ATRN: variants seen among roughly 807,000 people sequenced by gnomAD.
The protein encoded by ATRN is attractin-2.
ATRN carries 54 observed loss-of-function variants against 178.7 expected under a neutral mutation model. The observed-to-expected ratio is 0.30, with a 90% CI of 0.24 to 0.38. The LOEUF is 0.38. Among genes scored for constraint, ATRN ranks in the 10% least tolerant of loss-of-function variants. The pLI, the probability that ATRN is intolerant of heterozygous loss-of-function variation, is 1.00. For synonymous variants in ATRN, 636 were observed against 663.0 expected (o/e 0.96, Z 0.63); for missense variants, 1,443 against 1,815.1 (o/e 0.79, Z 3.73).
At chr20:3,527,315 A>G (rs1486365393) in intron 1 of ATRN, among the ~76,000 whole-genome samples, 5 of 152,230 alleles carry the variant, frequency 3.3e-5, no homozygotes, top group Non-Finnish European at 7.3e-5. Flanking sequence ...GCCAAAAAAC[A>G]TGAAAAAAAG....
At chr20:3,515,427 A>C (rs1202909699) in intron 1 of ATRN, among the ~76,000 whole-genome samples, 7 of 152,184 alleles carry the variant, frequency 4.6e-5, no homozygotes, top group Admixed American at 4.6e-4. Flanking sequence ...TAGATTTACT[A>C]AAGTGAACTG....
chr20:3,576,061 T>C, intron 13 of ATRN, 113 bp downstream of exon 13: 1 of 1,243,118 alleles, frequency 8.0e-7, no homozygotes, highest in Non-Finnish European at 1.1e-6. Flanking sequence ...AATGGGTTTC[T>C]ATTTGGATTT....
rs73893057 is a variant in ATRN, at chr20:3,643,969, G to A, written c.4051-185G>A. 4.4e-3 allele frequency among the ~76,000 whole-genome samples: 676 copies of A among 152,312 alleles called. 7 individuals are homozygous for A. The highest frequency in any genetic ancestry group is 0.015 in the African/African-American group (606 of 41,562). ...TGGAAGGTAGCAAGCAGTACCACCC[G>A]TGTCACTGGTGCTCAGAGAGTACTG... On this transcript the variant is annotated intron_variant, in intron 27 of 28. Coordinates refer to ENST00000262919, the MANE Select transcript of ATRN (RefSeq NM_139321.3).
intron 1 of ATRN, among the ~76,000 whole-genome samples, chr20:3,502,769 G>A (rs539409716): frequency 6.6e-6 from 1 of 152,294 alleles, no homozygotes; most frequent in South Asian, 2.1e-4. Flanking sequence ...CTGTGGATGT[G>A]AGATTTTCCT....
intron 18 of ATRN, among the ~76,000 whole-genome samples, chr20:3,589,042 A>G (rs1029992687): frequency 7.4e-6 from 1 of 135,000 alleles, no homozygotes; most frequent in African/African-American, 2.8e-5. Context: ...GAGTGCAGTG[A>G]CGTGATCTCT....
At chr20:3,575,368 C>G (rs1600121664) in intron 12 of ATRN, among the ~76,000 whole-genome samples, 1 of 152,228 alleles carries the variant, frequency 6.6e-6, no homozygotes, top group African/African-American at 2.4e-5. Context: ...CAAAATGCAG[C>G]TCAGCCTAAT....
intron 24 of ATRN, among the ~76,000 whole-genome samples, chr20:3,611,224 A>T (rs2086760059): frequency 6.6e-6 from 1 of 152,242 alleles, no homozygotes; most frequent in South Asian, 2.1e-4. Flanking sequence ...GCTCTGTGAG[A>T]AACCCTGTTA....
At chr20:3,487,460 T>C (rs1439018376) in intron 1 of ATRN, among the ~76,000 whole-genome samples, 1 of 152,190 alleles carries the variant, frequency 6.6e-6, no homozygotes, top group East Asian at 1.9e-4. Context: ...CTTGAACTCC[T>C]GATCTTGTGA....
intron 1 of ATRN, among the ~76,000 whole-genome samples, chr20:3,524,350 A>G (rs2085335973): frequency 6.6e-6 from 1 of 152,212 alleles, no homozygotes; most frequent in Non-Finnish European, 1.5e-5. Flanking sequence ...AGATCAATGC[A>G]ACAAGAAGAG....
intron 25 of ATRN, among the ~76,000 whole-genome samples, chr20:3,628,735 T>C (rs1299767369): frequency 1.3e-5 from 2 of 152,010 alleles, no homozygotes; most frequent in African/African-American, 4.8e-5. Flanking sequence ...AAAGGATACT[T>C]TTTGGTTCTC....
intron 16 of ATRN, among the ~76,000 whole-genome samples, chr20:3,583,422 C>T (rs1208271040): frequency 1.3e-5 from 2 of 152,206 alleles, no homozygotes; most frequent in Non-Finnish European, 2.9e-5. Flanking sequence ...TGTGTAAATA[C>T]ACTTGACTAA....
chr20:3,630,093 G>T (rs1600169458), intron 25 of ATRN, among the ~76,000 whole-genome samples: 1 of 152,054 alleles, frequency 6.6e-6, no homozygotes, highest in East Asian at 1.9e-4. Context: ...GGGTTTTCTG[G>T]TGACCAGCCC....
intron 14 of ATRN, 41 bp downstream of exon 14, chr20:3,577,038 A>T: frequency 6.2e-7 from 1 of 1,605,450 alleles, no homozygotes. Flanking sequence ...TGGGTCCATT[A>T]CTTCAGCCTG....
intron 20 of ATRN, among the ~76,000 whole-genome samples, chr20:3,595,728 G>C (rs235530): frequency 0.75 from 114,630 of 152,138 alleles, 43,620 homozygotes; most frequent in East Asian, 1. Context: ...CTGGCTAAAG[G>C]GACACAGCAT....
At chr20:3,492,865 G>GCGCA (rs201353071) in intron 1 of ATRN, among the ~76,000 whole-genome samples, 1,519 of 121,320 alleles carry the variant, frequency 0.013, 43 homozygotes, top group African/African-American at 0.052. Flanking sequence ...GCGCGCGCGC[G>GCGCA]CGTGCGCACG....
intron 19 of ATRN, among the ~76,000 whole-genome samples, 163 bp from the exon 20 acceptor site, chr20:3,594,313 TATC>T (rs959888917): frequency 2.0e-5 from 3 of 152,240 alleles, no homozygotes; most frequent in African/African-American, 7.2e-5. Context: ...TATACATTAT[TATC>T]ATTAGCTGAA....
chr20:3,584,872 A>G lies in ATRN; in HGVS notation c.3176A>G (p.His1059Arg). 1.2e-6 allele frequency: 2 copies of G among 1,613,918 alleles called. No homozygotes were observed. ...EDSRYNWSFI[H>R]CPACQCNGHS... ...AGCAGATACAACTGGTCTTTCATTC[A>G]CTGTCCAGGTAAGATGCCTTGCATA... The change falls in exon 18 of 29, where the codon CAC becomes CGC. Residue 1059 changes from histidine to arginine, a missense_variant. Coordinates refer to ENST00000262919, the MANE Select transcript of ATRN (RefSeq NM_139321.3).
At chr20:3,498,555 C>T (rs2084912384) in intron 1 of ATRN, among the ~76,000 whole-genome samples, 1 of 151,836 alleles carries the variant, frequency 6.6e-6, no homozygotes, top group African/African-American at 2.4e-5. Context: ...TGTAATCCAG[C>T]ATATAAACAG....
At chr20:3,636,452 G>A (rs2087025687) in intron 26 of ATRN, among the ~76,000 whole-genome samples, 1 of 152,102 alleles carries the variant, frequency 6.6e-6, no homozygotes, top group South Asian at 2.1e-4. Context: ...TTCCTAATTT[G>A]AAAACAAAAC....
Sources: allele counts gnomAD v4.1 joint callset (sites outside exome capture counted in the v4.1 genomes callset), GRCh38; gene constraint gnomAD v4.1.1; transcripts MANE v1.5; gene names NCBI Gene and HGNC (gene_info 2026-07-23, HGNC 2026-07-21).